The following SYT1 variants were observed in gnomAD, a reference collection of about 807,000 sequenced individuals.
The protein encoded by SYT1 is synaptotagmin-1.
SYT1 carries 8 observed loss-of-function variants against 44.8 expected under a neutral mutation model. That is an observed-to-expected ratio of 0.18 (90% CI 0.10 to 0.32). The LOEUF (loss-of-function observed/expected upper bound fraction) is 0.32. SYT1 is among the 10% of genes least tolerant of loss of function. SYT1 has a pLI of 1.00. For synonymous variants in SYT1, 154 were observed against 188.8 expected (o/e 0.82, Z 1.51); for missense variants, 286 against 509.3 (o/e 0.56, Z 4.22).
chr12:79,124,322 G>C (rs1868336170), intron 3 of SYT1, among the ~76,000 whole-genome samples: 1 of 150,506 alleles, frequency 6.6e-6, no homozygotes, highest in South Asian at 2.1e-4. Context: ...CTTTCTTGCT[G>C]TATGATCTTG....
At chr12:79,380,351 T>C (rs1884165646) in intron 9 of SYT1, among the ~76,000 whole-genome samples, 1 of 152,218 alleles carries the variant, frequency 6.6e-6, no homozygotes, top group South Asian at 2.1e-4. Flanking sequence ...TTATACCTTA[T>C]TCACAATCAG....
intron 3 of SYT1, among the ~76,000 whole-genome samples, chr12:79,146,008 C>G (rs539185506): frequency 2.0e-5 from 3 of 152,174 alleles, no homozygotes; most frequent in African/African-American, 4.8e-5. Flanking sequence ...CCGCCCGCCT[C>G]GGCCTCCCAA....
At position 78,878,149 on chromosome 12, in the gene SYT1, T is replaced by C. The variant is rs566946564; in HGVS notation, c.-217+13040T>C. ...GATATATTGCACTCTTTTTTGTGTG[T>C]GTGTGTGTGGATAAACTTTCTTGTA... On this transcript the variant is annotated intron_variant, in intron 1 of 10. Transcript: ENST00000261205. Among the ~76,000 whole-genome samples the C allele has an allele frequency of 2.0e-5, 3 of 151,812 alleles. No homozygotes were observed. The East Asian group carries it at 5.9e-4, about 30-fold the overall frequency.
chr12:79,421,598 A>AT (rs917481436), intron 9 of SYT1, among the ~76,000 whole-genome samples: 1 of 152,114 alleles, frequency 6.6e-6, no homozygotes, highest in Non-Finnish European at 1.5e-5. Context: ...CTGTCTTGAC[A>AT]TGTTGGTTGG....
chr12:79,313,615 AAAAC>A (rs1242387044), intron 8 of SYT1, among the ~76,000 whole-genome samples: 21 of 151,642 alleles, frequency 1.4e-4, no homozygotes, highest in African/African-American at 4.9e-4. Context: ...AAAAAAAAAA[AAAAC>A]AAAATAAAAG....
At chr12:79,205,844 A>G (rs1418841710) in intron 3 of SYT1, among the ~76,000 whole-genome samples, 1 of 152,184 alleles carries the variant, frequency 6.6e-6, no homozygotes, top group African/African-American at 2.4e-5. Flanking sequence ...TATAATTGTA[A>G]TTGATCTTCT....
chr12:79,185,865 A>G (rs1872772108), intron 3 of SYT1, among the ~76,000 whole-genome samples: 1 of 110,932 alleles, frequency 9.0e-6, no homozygotes. Context: ...GATACTCTCC[A>G]TTTTTTAAAT....
intron 1 of SYT1, among the ~76,000 whole-genome samples, chr12:78,889,013 C>A (rs961533611): frequency 6.6e-6 from 1 of 151,936 alleles, no homozygotes; most frequent in South Asian, 2.1e-4. Flanking sequence ...GTATTCTTTC[C>A]CCTTTTTAGA....
intron 3 of SYT1, among the ~76,000 whole-genome samples, chr12:79,054,078 T>C (rs1375706292): frequency 6.6e-6 from 1 of 152,042 alleles, no homozygotes; most frequent in South Asian, 2.1e-4. Context: ...ATTCTTCTGA[T>C]GTTATAGTGG....
chr12:79,415,052 T>C (rs1340572623), intron 9 of SYT1, among the ~76,000 whole-genome samples: 2 of 152,190 alleles, frequency 1.3e-5, no homozygotes, highest in Non-Finnish European at 2.9e-5. Context: ...CCTTTATATA[T>C]TTTCCATTTT....
intron 2 of SYT1, among the ~76,000 whole-genome samples, chr12:78,984,992 T>G (rs1030717059): frequency 6.6e-6 from 1 of 151,814 alleles, no homozygotes; most frequent in African/African-American, 2.4e-5. Context: ...AAAAGAAAGA[T>G]GCATCAAGTG....
At chr12:79,120,201 T>A (rs149903111) in intron 3 of SYT1, among the ~76,000 whole-genome samples, 71 of 152,120 alleles carry the variant, frequency 4.7e-4, no homozygotes, top group African/African-American at 1.6e-3. Context: ...ACCCAATCAA[T>A]TCAAGAGGAC....
At chr12:79,300,789 TTATATATATATATATATATA>T (rs56934430) in intron 8 of SYT1, among the ~76,000 whole-genome samples, 2 of 89,624 alleles carry the variant, frequency 2.2e-5, no homozygotes, top group East Asian at 5.1e-4. Context: ...TGTATACTTA[TTATATATATATATATATATA>T]TATATATATA....
At chr12:79,108,266 T>A (rs1878824407) in intron 3 of SYT1, among the ~76,000 whole-genome samples, 1 of 152,066 alleles carries the variant, frequency 6.6e-6, no homozygotes, top group African/African-American at 2.4e-5. Context: ...TGTATTTTTT[T>A]AAAAAGTTGT....
intron 9 of SYT1, among the ~76,000 whole-genome samples, chr12:79,371,144 A>G (rs1883772450): frequency 6.6e-6 from 1 of 152,204 alleles, no homozygotes. Context: ...GGTTATCCCC[A>G]TATATGAATG....
rs145238229 is a variant in SYT1 at position 79,031,725 on chromosome 12, A to G, written c.-83-15572A>G. 1.6e-3 allele frequency among the ~76,000 whole-genome samples: 245 copies of G among 151,240 alleles called. 1 individual carries two copies. The highest frequency in any genetic ancestry group is 5.7e-3 in the African/African-American group (235 of 41,432). On this transcript the variant is annotated intron_variant, in intron 2 of 10. Coordinates refer to ENST00000261205, the MANE Select transcript of SYT1 (RefSeq NM_005639.3). The stretch of plus-strand genomic sequence containing the variant: ...GGTTAGTAAGGTTTGAGGTGTAGTA[A>G]TTATCAGACTGGGAAAGAGGAAAAA...
intron 3 of SYT1, among the ~76,000 whole-genome samples, chr12:79,165,470 T>C (rs1871176267): frequency 6.6e-6 from 1 of 152,002 alleles, no homozygotes; most frequent in Admixed American, 6.6e-5. Flanking sequence ...AAGGACGGTA[T>C]GGTTGCTGAT....
At chr12:79,407,032 C>T (rs1285542731) in intron 9 of SYT1, among the ~76,000 whole-genome samples, 2 of 152,132 alleles carry the variant, frequency 1.3e-5, no homozygotes, top group Non-Finnish European at 2.9e-5. Flanking sequence ...GTTTATTTAT[C>T]TGTTAAAAAG....
At chr12:79,147,245 T>C (rs532036538) in intron 3 of SYT1, among the ~76,000 whole-genome samples, 13 of 152,226 alleles carry the variant, frequency 8.5e-5, no homozygotes, top group Non-Finnish European at 1.5e-4. Flanking sequence ...ACTCTTCATA[T>C]TTGCTCTCTT....
Sources: gnomAD v4.1 joint callset for allele counts (sites outside exome capture counted in the v4.1 genomes callset) on GRCh38, gnomAD v4.1.1 for gene constraint, MANE v1.5 for transcripts, NCBI Gene and HGNC (gene_info 2026-07-23, HGNC 2026-07-21) for gene names.